CFAP251: variants seen among roughly 807,000 people sequenced by gnomAD.
The protein encoded by CFAP251 is cilia- and flagella-associated protein 251.
Under a neutral mutation model 126.7 loss-of-function variants are expected in CFAP251, and 93 were observed. The observed-to-expected ratio is 0.73, with a 90% CI of 0.62 to 0.87. The LOEUF (loss-of-function observed/expected upper bound fraction) is 0.87. CFAP251 is among the 40% of genes least tolerant of loss of function. CFAP251 has a pLI of 0.00. For synonymous variants in CFAP251, 503 were observed against 506.9 expected (o/e 0.99, Z 0.10); for missense variants, 1,287 against 1,389.2 (o/e 0.93, Z 1.17).
At chr12:121,975,748 A>G in intron 19 of CFAP251, 63 bp downstream of exon 19, 1 of 1,506,450 alleles carries the variant, frequency 6.6e-7, no homozygotes, top group Non-Finnish European at 8.9e-7. Context: ...AACCTCTGGG[A>G]ACAATCATTA....
chr12:121,968,626 T>A (rs1882232114), intron 17 of CFAP251, among the ~76,000 whole-genome samples: 1 of 151,934 alleles, frequency 6.6e-6, no homozygotes, highest in Admixed American at 6.6e-5. Context: ...ATGTGGACTT[T>A]GAGGTGAAAG....
intron 19 of CFAP251, among the ~76,000 whole-genome samples, chr12:121,977,083 T>C (rs1171628296): frequency 6.6e-6 from 1 of 152,198 alleles, no homozygotes. Context: ...GTGAACATCA[T>C]AGAGTGTCCT....
intron 1 of CFAP251, among the ~76,000 whole-genome samples, chr12:121,919,834 G>T (rs1052666486): frequency 2.0e-5 from 3 of 152,184 alleles, no homozygotes; most frequent in Non-Finnish European, 2.9e-5. Context: ...TTCCCAGAAA[G>T]TTGACAGGCC....
chr12:121,991,723 G>C (rs544364815), intron 19 of CFAP251, among the ~76,000 whole-genome samples: 1 of 152,280 alleles, frequency 6.6e-6, no homozygotes, highest in East Asian at 1.9e-4. Flanking sequence ...GCTGGTTGTG[G>C]TGGCTCATTC....
intron 19 of CFAP251, among the ~76,000 whole-genome samples, chr12:121,985,814 C>A (rs1882732798): frequency 1.3e-5 from 2 of 151,996 alleles, no homozygotes; most frequent in South Asian, 4.1e-4. Context: ...CAAAACAACA[C>A]TGATATCCAT....
In CFAP251 at chr12:121,983,524, GA is replaced by G. The variant is rs936613733; in HGVS notation, c.3006+7846del. ...CTTGCTGATGAAGAAAAGGTATCCG[GA>G]AAAAAATGTTAGTTGGTAACAAATG... On this transcript the variant is annotated intron_variant, in intron 19 of 21. Transcript: ENST00000288912. Among the ~76,000 whole-genome samples the G allele has an allele frequency of 2.4e-4, 37 of 152,060 alleles. 1 individual carries two copies. Among genetic ancestry groups the G allele is most frequent in the Admixed American group, 2.4e-3 (37 of 15,270 alleles).
At chr12:121,928,694 ATATATATATAT>A (rs1880551599) in intron 3 of CFAP251, among the ~76,000 whole-genome samples, 1 of 42,548 alleles carries the variant, frequency 2.4e-5, no homozygotes, top group African/African-American at 1.9e-4. Flanking sequence ...ATATACGTAT[ATATATATATAT>A]TTTTTTTTTG....
At position 121,959,312 on chromosome 12, in the gene CFAP251, A is replaced by G. The variant is rs181506179; in HGVS notation, c.2133+218A>G. 3 of 458,478 alleles carry G rather than the reference A, an allele frequency of 6.5e-6. No individual in the cohort carries two copies. The East Asian group carries it at 1.1e-4, about 17-fold the overall frequency. The allele number at this position is 458,478 out of a possible 1,614,324, so 28.4% of individuals were successfully genotyped here. A position where few individuals can be genotyped will look rare whatever the true frequency, so the allele number is the denominator to read the frequency against. On this transcript the variant is annotated intron_variant, in intron 13 of 21. Coordinates refer to ENST00000288912, the MANE Select transcript of CFAP251 (RefSeq NM_144668.6). ...AAAAATTAGCCAGGCCTTGTGGCAC[A>G]CATCTGTAGCCCCAGTTATCCAGGA...
intron 17 of CFAP251, among the ~76,000 whole-genome samples, chr12:121,970,971 C>T (rs542879555): frequency 3.1e-4 from 47 of 152,278 alleles, no homozygotes; most frequent in African/African-American, 1.0e-3. Flanking sequence ...GGTCAGTTGA[C>T]GGTGGCCAGG....
chr12:121,954,331 A>G lies in CFAP251; in HGVS notation c.1532A>G (p.Asp511Gly). 1.2e-6 allele frequency: 2 copies of G among 1,603,770 alleles called. No homozygotes were observed. The highest frequency in any genetic ancestry group is 1.7e-6 in the Non-Finnish European group (2 of 1,174,908). The stretch of plus-strand genomic sequence containing the variant: ...GGTATCACGGTACTTACCACAATTG[A>G]TAGGTAATTTTAACTTAATTAAAAG... ...KEGITVLTTI[D>G]SYIVTGDIKG... Residue 511 changes from aspartate to glycine, a missense_variant, in exon 10 of 22, where the codon GAT (aspartate) becomes GGT (glycine). By Grantham distance (94) the Asp-to-Gly change is moderately conservative. Coordinates refer to ENST00000288912, the MANE Select transcript of CFAP251 (RefSeq NM_144668.6).
chr12:121,993,971 G>T (rs1882956505), intron 19 of CFAP251, among the ~76,000 whole-genome samples: 1 of 89,260 alleles, frequency 1.1e-5, no homozygotes. Flanking sequence ...CGGGAGGGAG[G>T]TGGGGGGGTC....
At chr12:121,978,698 C>T (rs1403679002) in intron 19 of CFAP251, among the ~76,000 whole-genome samples, 1 of 152,016 alleles carries the variant, frequency 6.6e-6, no homozygotes, top group Non-Finnish European at 1.5e-5. Flanking sequence ...TTCTCAGTAA[C>T]TTGTTTTGTG....
At position 121,954,191 on chromosome 12, in the gene CFAP251, C is replaced by T. The variant is rs1565911182; in HGVS notation, c.1392C>T (p.Ala464=). Residue 464 remains alanine (A), a synonymous_variant, in exon 10 of 22, where the codon GCC becomes GCT. Transcript: ENST00000288912. ...FHLNLTQILS[A]TMEGKLVVWD... ...TGAATTTAACACAAATACTCTCAGC[C>T]ACAATGGAAGGGAAGCTGGTTGTCT... The T allele has an allele frequency of 6.2e-7, 1 of 1,614,148 alleles. No homozygotes were observed.
At chr12:121,964,177 T>TGTA (rs1555218902) in intron 15 of CFAP251, among the ~76,000 whole-genome samples, 2 of 144,604 alleles carry the variant, frequency 1.4e-5, no homozygotes, top group African/African-American at 5.0e-5. Context: ...TTGTTGTTGT[T>TGTA]GTAAACAGTT....
chr12:121,923,492 CT>C, intron 2 of CFAP251, 129 bp from the exon 3 acceptor site: 1 of 1,244,708 alleles, frequency 8.0e-7, no homozygotes, highest in Non-Finnish European at 1.1e-6. Context: ...ATGTTCCAGC[CT>C]CTTTTAAAAA....
At chr12:121,997,144 A>G (rs906156605) in intron 19 of CFAP251, 1 of 152,248 alleles carries the variant, frequency 6.6e-6, no homozygotes, top group Non-Finnish European at 1.5e-5. Flanking sequence ...AGAGCAGTGA[A>G]GTGGTGCAAA....
chr12:121,924,426 CTT>C lies in CFAP251; in HGVS notation c.747+457_747+458del, dbSNP rs59759704. On this transcript the variant is annotated intron_variant, in intron 3 of 21. Transcript: ENST00000288912. ...CACCACGCCCGGCCTAGACTTGTGT[CTT>C]TTTTTTTTTTTTTTTTTTTTGGAGA... is the stretch of plus-strand genomic sequence containing the variant. 1.7e-3 allele frequency among the ~76,000 whole-genome samples: 152 copies of C among 90,266 alleles called. 1 individual carries two copies. The highest frequency in any genetic ancestry group is 5.6e-3 in the African/African-American group (99 of 17,562). 59.2% of individuals were successfully genotyped at this position (90,266 alleles called of 152,430 possible). A position where few individuals can be genotyped will look rare whatever the true frequency, so the allele number is the denominator to read the frequency against.
intron 4 of CFAP251, 60 bp from the exon 5 acceptor site, chr12:121,934,187 A>G (rs1880800233): frequency 7.3e-7 from 1 of 1,361,562 alleles, no homozygotes; most frequent in Admixed American, 2.0e-5. Flanking sequence ...CTTTGCTGAT[A>G]GTGGCCAAGG....
rs1372388549 is a variant in CFAP251, at chr12:121,954,126, A to G, written c.1327A>G (p.Asn443Asp). The change falls in exon 10 of 22, where the codon AAC becomes GAC. Residue 443 changes from asparagine to aspartate, a missense_variant. Asn to Asp is a conservative substitution (Grantham distance 23). Transcript: ENST00000288912. ...SAPLLTEKTF[N>D]KLVGKFSQSI... ...AACCTTTCTTTTGAAACAGACCTTC[A>G]ACAAGCTTGTGGGAAAGTTTAGCCA... 2 of 1,613,920 alleles carry G rather than the reference A, an allele frequency of 1.2e-6. No homozygotes were observed. The highest frequency in any genetic ancestry group is 1.1e-5 in the South Asian group (1 of 91,026).
Sources: gnomAD v4.1 joint callset for allele counts (sites outside exome capture counted in the v4.1 genomes callset) on GRCh38, gnomAD v4.1.1 for gene constraint, MANE v1.5 for transcripts, NCBI Gene and HGNC (gene_info 2026-07-23, HGNC 2026-07-21) for gene names.